Variants in MACROD2 observed in about 807,000 individuals in gnomAD.
MACROD2 encodes the protein ADP-ribose glycohydrolase MACROD2.
A neutral mutation model predicts 70.4 loss-of-function variants in MACROD2; 36 were observed. The ratio of observed to expected loss-of-function variants is 0.51; its 90% confidence interval spans 0.39 to 0.68. MACROD2 has a LOEUF of 0.68. MACROD2 is among the 30% of genes least tolerant of loss of function. MACROD2 has a pLI of 0.00. For missense variants in MACROD2, 496 were observed against 538.4 expected (o/e 0.92, Z 0.78); for synonymous variants, 172 against 178.8 (o/e 0.96, Z 0.30).
chr20:15,758,324 C>T (rs1312644237), intron 8 of MACROD2, among the ~76,000 whole-genome samples: 2 of 150,350 alleles, frequency 1.3e-5, no homozygotes, highest in South Asian at 2.1e-4. Flanking sequence ...CTGCAACCTC[C>T]GCCTTCTGGG....
chr20:14,495,543 A>G (rs1022419014), intron 4 of MACROD2, among the ~76,000 whole-genome samples: 1 of 152,146 alleles, frequency 6.6e-6, no homozygotes, highest in Non-Finnish European at 1.5e-5. Context: ...TTCACTAAGG[A>G]GGAAGGGGAG....
intron 6 of MACROD2, among the ~76,000 whole-genome samples, chr20:15,349,879 TG>T (rs1227186094): frequency 2.0e-5 from 3 of 152,088 alleles, no homozygotes; most frequent in Non-Finnish European, 4.4e-5. Context: ...AGGTTTCTTT[TG>T]GGGGGACCTC....
intron 4 of MACROD2, among the ~76,000 whole-genome samples, chr20:14,655,027 G>A (rs1412447660): frequency 1.4e-5 from 2 of 148,014 alleles, no homozygotes; most frequent in Non-Finnish European, 3.0e-5. Context: ...ACACAGGGTT[G>A]TTTTTTTTTT....
intron 2 of MACROD2, among the ~76,000 whole-genome samples, chr20:14,075,955 T>A (rs1349974575): frequency 3.3e-5 from 5 of 152,186 alleles, no homozygotes; most frequent in Non-Finnish European, 7.4e-5. Context: ...TAAGATTACA[T>A]GGGAAAATCT....
intron 3 of MACROD2, among the ~76,000 whole-genome samples, chr20:14,371,730 T>C (rs1451396007): frequency 6.6e-6 from 1 of 152,150 alleles, no homozygotes; most frequent in Non-Finnish European, 1.5e-5. Flanking sequence ...TTTCTGTGTT[T>C]ATGATAGGCT....
At chr20:16,047,826 T>C (rs116047218) in intron 17 of MACROD2, among the ~76,000 whole-genome samples, 38 of 152,312 alleles carry the variant, frequency 2.5e-4, no homozygotes, top group African/African-American at 8.4e-4. Context: ...CAGTCTTGCA[T>C]TTTAATGCCC....
intron 12 of MACROD2, among the ~76,000 whole-genome samples, chr20:15,946,065 G>A (rs191463653): frequency 1.7e-4 from 26 of 152,178 alleles, no homozygotes; most frequent in Admixed American, 1.5e-3. Context: ...AATGAAATGA[G>A]TACACAGAAA....
At chr20:15,421,348 C>T (rs1209292669) in intron 6 of MACROD2, among the ~76,000 whole-genome samples, 1 of 150,542 alleles carries the variant, frequency 6.6e-6, no homozygotes, top group Non-Finnish European at 1.5e-5. Flanking sequence ...CACTGCACTC[C>T]AACCTAGGTG....
intron 5 of MACROD2, among the ~76,000 whole-genome samples, chr20:14,919,838 G>C (rs1021321820): frequency 6.6e-6 from 1 of 152,200 alleles, no homozygotes; most frequent in Non-Finnish European, 1.5e-5. Context: ...GAAATAAATA[G>C]AAACCATTTC....
At chr20:14,086,608 GGGTTAC>G (rs1417014489) in intron 3 of MACROD2, among the ~76,000 whole-genome samples, 1 of 152,160 alleles carries the variant, frequency 6.6e-6, no homozygotes, top group Non-Finnish European at 1.5e-5. Flanking sequence ...TGTTAAGGAG[GGGTTAC>G]TCACCTTCCA....
In MACROD2 at chr20:14,747,519, T is replaced by G. The variant is rs2071814779; in HGVS notation, c.418+62560T>G. On this transcript the variant is annotated intron_variant, in intron 5 of 17. Coordinates refer to ENST00000684519, the MANE Select transcript of MACROD2 (RefSeq NM_001351661.2). ...TGCCACCCTCTCTTCCCCTTTACAA[T>G]TTCAGAGTCAGCTACAGATTCAAGT... Among the ~76,000 whole-genome samples, 3 of 152,130 alleles carry G rather than the reference T, an allele frequency of 2.0e-5. No individual in the cohort carries two copies. In the South Asian group the frequency reaches 6.2e-4, roughly 32 times the overall value.
intron 4 of MACROD2, among the ~76,000 whole-genome samples, chr20:14,595,537 T>C (rs926420458): frequency 6.6e-6 from 1 of 152,206 alleles, no homozygotes; most frequent in Non-Finnish European, 1.5e-5. Context: ...CATAGCTTTC[T>C]ACTCTGTGAC....
In MACROD2 at chr20:14,085,716, A is replaced by G. The variant is rs778399330; in HGVS notation, c.259A>G (p.Ile87Val). 62 of 1,537,080 alleles carry G rather than the reference A, an allele frequency of 4.0e-5. No individual in the cohort carries two copies. The highest frequency in any genetic ancestry group is 5.3e-5 in the Non-Finnish European group (61 of 1,141,616). Residue 87 changes from isoleucine (I) to valine (V), a missense_variant, in exon 3 of 18, where the codon ATA (isoleucine) becomes GTA (valine). By Grantham distance (29) the Ile-to-Val change is conservative. Coordinates refer to ENST00000684519, the MANE Select transcript of MACROD2 (RefSeq NM_001351661.2). ...GDITLLEVDA[I>V]VNAANASLLG... is the part of the protein sequence containing the mutation. ...CATCACATTGCTAGAGGTAGATGCT[A>G]TAGTCAATGCCGGTGAGTAGTTGAT... is the stretch of plus-strand genomic sequence containing the variant.
At chr20:14,955,786 A>C (rs939418797) in intron 5 of MACROD2, among the ~76,000 whole-genome samples, 2 of 152,268 alleles carry the variant, frequency 1.3e-5, no homozygotes, top group East Asian at 3.9e-4. Flanking sequence ...CCAAAACTAT[A>C]GACTGGACTC....
chr20:15,431,499 A>C, intron 7 of MACROD2, 64 bp downstream of exon 7: 1 of 1,479,886 alleles, frequency 6.8e-7, no homozygotes, highest in Non-Finnish European at 9.4e-7. Context: ...GCAGAGATTC[A>C]GTGAAAAAAT....
intron 3 of MACROD2, among the ~76,000 whole-genome samples, chr20:14,181,616 C>T (rs2081306268): frequency 6.6e-6 from 1 of 152,038 alleles, no homozygotes; most frequent in South Asian, 2.1e-4. Context: ...GGAAATCCTC[C>T]ACCCCTCAAC....
intron 8 of MACROD2, among the ~76,000 whole-genome samples, chr20:15,685,806 T>C (rs1249109748): frequency 6.6e-6 from 1 of 152,210 alleles, no homozygotes; most frequent in Non-Finnish European, 1.5e-5. Context: ...AGTTTGTTGC[T>C]CTTTTTTGAG....
At chr20:15,816,464 T>G (rs1280025632) in intron 8 of MACROD2, among the ~76,000 whole-genome samples, 4 of 152,008 alleles carry the variant, frequency 2.6e-5, no homozygotes, top group Non-Finnish European at 5.9e-5. Context: ...CTCATTTGTT[T>G]CTGATTTTAA....
intron 5 of MACROD2, among the ~76,000 whole-genome samples, chr20:14,718,533 AT>A (rs1214288110): frequency 1.3e-5 from 2 of 152,004 alleles, no homozygotes; most frequent in African/African-American, 2.4e-5. Flanking sequence ...CAACCTGGCT[AT>A]CCCTTTGAGG....
Sources: gnomAD v4.1 joint callset for allele counts (sites outside exome capture counted in the v4.1 genomes callset) on GRCh38, gnomAD v4.1.1 for gene constraint, MANE v1.5 for transcripts, NCBI Gene and HGNC (gene_info 2026-07-23, HGNC 2026-07-21) for gene names.